POTEJ: variants seen among roughly 807,000 people sequenced by gnomAD.
POTEJ encodes the protein POTE ankyrin domain family, member J.
A neutral mutation model predicts 69.0 loss-of-function variants in POTEJ; 11 were observed. The observed-to-expected ratio is 0.16, with a 90% CI of 0.10 to 0.26. POTEJ has a LOEUF of 0.26. POTEJ is among the 10% of genes least tolerant of loss of function. The probability of loss-of-function intolerance (pLI) is 1.00; values close to 1 mark genes in which losing one functional copy is unlikely to be tolerated. For missense variants in POTEJ, 327 were observed against 1,045.5 expected, an observed-to-expected ratio of 0.31 and a Z score of 9.48; for synonymous variants, 117 against 381.1, an observed-to-expected ratio of 0.31 and a Z score of 8.07.
At chr2:130,641,539 A>G (rs1237521967) in intron 10 of POTEJ, among the ~76,000 whole-genome samples, 1 of 150,642 alleles carries the variant, frequency 6.6e-6, no homozygotes, top group Admixed American at 6.6e-5. Flanking sequence ...TATAGTCAAT[A>G]TGATTTAGTG....
intron 13 of POTEJ, among the ~76,000 whole-genome samples, chr2:130,654,703 C>T (rs1414489682): frequency 6.9e-6 from 1 of 144,620 alleles, no homozygotes; most frequent in African/African-American, 2.7e-5. Flanking sequence ...GGAACCATCC[C>T]CCACCTCAGG....
chr2:130,645,555 G>A (rs1686548590), intron 11 of POTEJ, among the ~76,000 whole-genome samples, 182 bp from the exon 12 acceptor site: 1 of 143,836 alleles, frequency 7.0e-6, no homozygotes. Flanking sequence ...AGATTAAAAA[G>A]TTAATTCTTA....
chr2:130,613,352 G>GTA (rs1177550923), intron 1 of POTEJ, among the ~76,000 whole-genome samples: 1 of 124,224 alleles, frequency 8.0e-6, no homozygotes, highest in African/African-American at 3.2e-5. Context: ...ATATGTGTGT[G>GTA]TATATATATA....
Position 130,657,615 on chromosome 2 carries a change from TC to T in POTEJ, c.2857del (p.Arg953AlafsTer35). The T allele has an allele frequency of 6.6e-7, 1 of 1,526,678 alleles. No homozygotes were observed. Among genetic ancestry groups the T allele is most frequent in the Non-Finnish European group, 8.9e-7 (1 of 1,123,256 alleles). The allele number at this position is 1,526,678 out of a possible 1,614,324, so 94.6% of individuals were successfully genotyped here. The part of the protein sequence containing the change: ...FNSIMKSDVD[I>X]RKDLYTNTVL... ...TCCATCATGAAGTCTGATGTGGACA[TC>T]CGCAAAGACCTGTACACCAACACAG... is the stretch of plus-strand genomic sequence containing the variant. On this transcript the variant is annotated frameshift_variant, in exon 15 of 15. Coordinates refer to ENST00000409602, the MANE Select transcript of POTEJ (RefSeq NM_001277083.2). LOFTEE classifies it high-confidence loss of function.
Position 130,613,211 on chromosome 2 carries a change from T to C in POTEJ, c.410+1269T>C, listed in dbSNP as rs1018611450. 2.0e-5 allele frequency among the ~76,000 whole-genome samples: 3 copies of C among 146,874 alleles called. No individual in the cohort carries two copies. In the Admixed American group the frequency reaches 2.1e-4, roughly 10 times the overall value. Reference sequence around the variant, plus strand: ...ACATACCAGAAAAAATATAAATGCCTATTTATATACGCAGATATATATACA... The same window carrying C: ...ACATACCAGAAAAAATATAAATGCCCATTTATATACGCAGATATATATACA... On this transcript the variant is annotated intron_variant, in intron 1 of 14. Coordinates refer to ENST00000409602, the MANE Select transcript of POTEJ (RefSeq NM_001277083.2).
rs746816669 is a variant in POTEJ at position 130,624,104 on chromosome 2, C to T, written c.985C>T (p.Leu329=). ...LLSDYKEKQM[L]KISSENSNPE... is the part of the protein sequence containing the mutation. ...TTCTGACTACAAAGAAAAACAGATG[C>T]TAAAAATCTCTTCTGAAAACAGCAA... The change falls in exon 6 of 15, where the codon CTA becomes TTA. Residue 329 remains leucine (L), a synonymous_variant. Transcript: ENST00000409602. The T allele has an allele frequency of 7.0e-7, 1 of 1,428,258 alleles. No homozygotes were observed. Among genetic ancestry groups the T allele is most frequent in the Non-Finnish European group, 9.4e-7 (1 of 1,059,486 alleles). The allele number at this position is 1,428,258 out of a possible 1,614,324, so 88.5% of individuals were successfully genotyped here. A position where few individuals can be genotyped will look rare whatever the true frequency, so the allele number is the denominator to read the frequency against.
Position 130,611,694 on chromosome 2 carries a change from G to A in POTEJ, c.162G>A (p.Met54Ile), listed in dbSNP as rs756581490. 9 of 1,541,318 alleles carry A rather than the reference G, an allele frequency of 5.8e-6. No individual in the cohort carries two copies. In the South Asian group the frequency reaches 7.8e-5, roughly 13 times the overall value. The change falls in exon 1 of 15, where the codon ATG (methionine) becomes ATA (isoleucine). Residue 54 changes from methionine (M) to isoleucine (I), a missense_variant. By Grantham distance (10) the Met-to-Ile change is conservative (BLOSUM62 1). Transcript: ENST00000409602. ...GTSGDQDDSTMKTLRSKMGKW... is the reference protein window; with the variant it reads ...GTSGDQDDSTIKTLRSKMGKW... ...CTGGAGACCAGGACGACTCCACTAT[G>A]AAGACACTCAGGAGCAAGATGGGCA...
chr2:130,639,416 G>C (rs1376215704), intron 10 of POTEJ, among the ~76,000 whole-genome samples: 4 of 152,278 alleles, frequency 2.6e-5, no homozygotes, highest in African/African-American at 7.2e-5. Context: ...TACTTTGTTG[G>C]AACAAGATGT....
At chr2:130,624,903 C>G (rs1190067281) in intron 6 of POTEJ, among the ~76,000 whole-genome samples, 2 of 152,114 alleles carry the variant, frequency 1.3e-5, no homozygotes, top group South Asian at 2.1e-4. Flanking sequence ...GTCATCATAA[C>G]AGTAATTTTG....
rs571676583 is a variant in POTEJ at position 130,626,917 on chromosome 2, T to A, written c.1015+2783T>A. Among the ~76,000 whole-genome samples, 113 of 152,248 alleles carry A rather than the reference T, an allele frequency of 7.4e-4. 1 individual carries two copies. The highest frequency in any genetic ancestry group is 2.3e-3 in the African/African-American group (97 of 41,446). ...CATTAATAGTTGGCAGGCTTTTTTT[T>A]AAATAAAAGCCATTTTGTAAATGTT... is the stretch of plus-strand genomic sequence containing the variant. On this transcript the variant is annotated intron_variant, in intron 6 of 14. Transcript: ENST00000409602.
chr2:130,628,762 C>T (rs1322686572), intron 6 of POTEJ, among the ~76,000 whole-genome samples: 1 of 149,288 alleles, frequency 6.7e-6, no homozygotes, highest in East Asian at 1.9e-4. Flanking sequence ...TGGCTCACAC[C>T]TCTAATCCCA....
At chr2:130,629,024 A>T (rs1331262478) in intron 6 of POTEJ, among the ~76,000 whole-genome samples, 2 of 152,156 alleles carry the variant, frequency 1.3e-5, no homozygotes, top group South Asian at 2.1e-4. Flanking sequence ...GGCTCAAAAA[A>T]AAAAAAGAAA....
At chr2:130,624,456 AC>A (rs1204704670) in intron 6 of POTEJ, among the ~76,000 whole-genome samples, 2 of 149,390 alleles carry the variant, frequency 1.3e-5, no homozygotes, top group African/African-American at 2.5e-5. Flanking sequence ...GAAGCACACA[AC>A]CTAGATCCCT....
At chr2:130,643,461 G>A (rs532521924) in intron 10 of POTEJ, among the ~76,000 whole-genome samples, 2,325 of 137,110 alleles carry the variant, frequency 0.017, 107 homozygotes, top group African/African-American at 0.059. Flanking sequence ...GGAGGTTGCA[G>A]TGAGCTGATC....
At chr2:130,613,148 G>C (rs1452234698) in intron 1 of POTEJ, among the ~76,000 whole-genome samples, 1 of 144,244 alleles carries the variant, frequency 6.9e-6, no homozygotes, top group Non-Finnish European at 1.5e-5. Context: ...ACAAAAATAA[G>C]AGTATAGATT....
intron 9 of POTEJ, among the ~76,000 whole-genome samples, chr2:130,638,229 C>A (rs1485010453): frequency 6.6e-6 from 1 of 151,358 alleles, no homozygotes; most frequent in African/African-American, 2.4e-5. Context: ...ATCATTATAA[C>A]AACCTAGTAA....
intron 10 of POTEJ, among the ~76,000 whole-genome samples, chr2:130,641,405 G>C (rs1686368052): frequency 6.7e-6 from 1 of 148,236 alleles, no homozygotes; most frequent in Non-Finnish European, 1.5e-5. Context: ...CACTTGTTTT[G>C]CTTAATTTTT....
chr2:130,632,958 G>A (rs1287238957), intron 9 of POTEJ, among the ~76,000 whole-genome samples: 1 of 147,536 alleles, frequency 6.8e-6, no homozygotes, highest in African/African-American at 2.6e-5. Flanking sequence ...AGTGTATCAT[G>A]GAGATTTGGA....
intron 13 of POTEJ, among the ~76,000 whole-genome samples, chr2:130,647,124 G>A (rs1227086118): frequency 6.6e-6 from 1 of 150,682 alleles, no homozygotes; most frequent in East Asian, 1.9e-4. Flanking sequence ...CCAAAATAAT[G>A]TATTATGCAA....
Sources: gnomAD v4.1 joint callset for allele counts (sites outside exome capture counted in the v4.1 genomes callset) on GRCh38, gnomAD v4.1.1 for gene constraint, MANE v1.5 for transcripts, NCBI Gene and HGNC (gene_info 2026-07-23, HGNC 2026-07-21) for gene names.